SLC9A4: variants seen among roughly 807,000 people sequenced by gnomAD.
SLC9A4 encodes the protein sodium/hydrogen exchanger 4.
A neutral mutation model predicts 67.4 loss-of-function variants in SLC9A4; 63 were observed. The observed-to-expected ratio is 0.93, with a 90% CI of 0.76 to 1.15. The LOEUF (loss-of-function observed/expected upper bound fraction) is 1.15. Among genes scored for constraint, SLC9A4 ranks in the 50% most tolerant of loss-of-function variants. The pLI is 0.00. For synonymous variants in SLC9A4, 393 were observed against 367.2 expected (o/e 1.07, Z -0.80); for missense variants, 1,089 against 987.7 (o/e 1.10, Z -1.38).
chr2:102,485,654 C>T (rs191672096), intron 2 of SLC9A4, among the ~76,000 whole-genome samples: 8 of 152,056 alleles, frequency 5.3e-5, no homozygotes, highest in Non-Finnish European at 8.8e-5. Context: ...AGTGGAAGAA[C>T]GAATGCAGCA....
At chr2:102,515,026 C>A (rs958123020) in intron 8 of SLC9A4, among the ~76,000 whole-genome samples, 2 of 152,080 alleles carry the variant, frequency 1.3e-5, no homozygotes, top group Non-Finnish European at 1.5e-5. Context: ...AATGAGAGCC[C>A]CTTCAATGTC....
intron 6 of SLC9A4, among the ~76,000 whole-genome samples, chr2:102,510,619 G>A (rs569271601): frequency 6.6e-5 from 10 of 152,256 alleles, no homozygotes; most frequent in East Asian, 5.8e-4. Context: ...TTGAATAACC[G>A]GGGACTTGCC....
intron 11 of SLC9A4, among the ~76,000 whole-genome samples, chr2:102,528,440 A>T (rs1006651747): frequency 6.6e-6 from 1 of 151,726 alleles, no homozygotes; most frequent in African/African-American, 2.4e-5. Flanking sequence ...TTAGAAAAAA[A>T]TCTTAAAAAG....
intron 11 of SLC9A4, among the ~76,000 whole-genome samples, chr2:102,529,119 A>G (rs1013757110): frequency 1.3e-5 from 2 of 152,248 alleles, no homozygotes; most frequent in African/African-American, 4.8e-5. Flanking sequence ...AGGGACTTAA[A>G]GAAGCCTTGA....
chr2:102,485,139 T>G (rs1445824455), intron 2 of SLC9A4, among the ~76,000 whole-genome samples: 1 of 152,194 alleles, frequency 6.6e-6, no homozygotes, highest in South Asian at 2.1e-4. Flanking sequence ...TACTGACCCT[T>G]CTCGGTCCTT....
rs183988365 is a variant in SLC9A4 at position 102,528,844 on chromosome 2, C to G, written c.2038+2498C>G. ...CTCACTAAAGGATATCTCAGTCACA[C>G]TTTCAGTCAAAGCCATAAAATGCCA... On this transcript the variant is annotated intron_variant, in intron 11 of 11. Coordinates refer to ENST00000295269, the MANE Select transcript of SLC9A4 (RefSeq NM_001011552.4). 1.5e-4 allele frequency among the ~76,000 whole-genome samples: 23 copies of G among 152,274 alleles called. No individual in the cohort carries two copies. In the East Asian group the frequency reaches 4.4e-3, roughly 29 times the overall value.
chr2:102,479,152 C>G lies in SLC9A4; in HGVS notation c.570C>G (p.Asp190Glu), dbSNP rs755300636. 1 of 1,614,030 alleles carries G rather than the reference C, an allele frequency of 6.2e-7. No homozygotes were observed. Among genetic ancestry groups the G allele is most frequent in the African/African-American group, 1.3e-5 (1 of 74,950 alleles). The change falls in exon 2 of 12, where the codon GAC (aspartate) becomes GAG (glutamate). Residue 190 changes from aspartate to glutamate, a missense_variant. Coordinates refer to ENST00000295269, the MANE Select transcript of SLC9A4 (RefSeq NM_001011552.4). ...ICQVKAFGLGDVNLLQNLLFG... is the reference protein window; with the variant it reads ...ICQVKAFGLGEVNLLQNLLFG... ...AGGTGAAGGCCTTTGGCCTGGGCGA[C>G]GTCAACCTGCTGCAGAACCTGCTGT...
chr2:102,519,198 A>C (rs1363136197), intron 8 of SLC9A4, among the ~76,000 whole-genome samples: 1 of 152,222 alleles, frequency 6.6e-6, no homozygotes, highest in African/African-American at 2.4e-5. Flanking sequence ...ATAATATCTT[A>C]GAGCTGGGCT....
intron 1 of SLC9A4, 126 bp from the exon 2 acceptor site, chr2:102,478,713 A>T (rs923915776): frequency 1.1e-6 from 1 of 878,932 alleles, no homozygotes; most frequent in Non-Finnish European, 1.7e-6. Context: ...CCTGCTACAG[A>T]TGGGACGCTG....
intron 2 of SLC9A4, among the ~76,000 whole-genome samples, chr2:102,482,335 G>A (rs547256839): frequency 3.9e-5 from 6 of 152,106 alleles, no homozygotes; most frequent in Non-Finnish European, 5.9e-5. Flanking sequence ...TCAGATGACC[G>A]CTGAAGTTTG....
intron 1 of SLC9A4, among the ~76,000 whole-genome samples, chr2:102,476,237 C>T (rs762808032): frequency 5.9e-5 from 9 of 152,228 alleles, no homozygotes; most frequent in South Asian, 2.1e-4. Flanking sequence ...TTCAGTTCCA[C>T]ATCTTAGAAC....
At chr2:102,474,222 A>G (rs924238323) in intron 1 of SLC9A4, among the ~76,000 whole-genome samples, 17 of 152,222 alleles carry the variant, frequency 1.1e-4, no homozygotes, top group African/African-American at 3.9e-4. Flanking sequence ...ATTTGAGAGC[A>G]TACTTCTGGG....
intron 4 of SLC9A4, chr2:102,505,735 A>C (rs974490683): frequency 2.5e-6 from 1 of 400,722 alleles, no homozygotes; most frequent in South Asian, 5.4e-5. Flanking sequence ...GAAGTTTCAC[A>C]TCTACCTATT....
At position 102,517,247 on chromosome 2, in the gene SLC9A4, G is replaced by A. The variant is rs760295651; in HGVS notation, c.1722-2612G>A. Among the ~76,000 whole-genome samples, 48 of 152,204 alleles carry A rather than the reference G, an allele frequency of 3.2e-4. No homozygotes were observed. In the South Asian group the frequency reaches 4.4e-3, roughly 14 times the overall value. On this transcript the variant is annotated intron_variant, in intron 8 of 11. Transcript: ENST00000295269. The stretch of plus-strand genomic sequence containing the variant: ...GCTGGTGGGTTCCACTGTGTGCACC[G>A]CAGGCAAGTCTTCTTGTCTTCTGAG...
chr2:102,514,075 G>T lies in SLC9A4; in HGVS notation c.1560-15G>T. On this transcript the variant is annotated splice_polypyrimidine_tract_variant and intron_variant, in intron 7 of 11. Coordinates refer to ENST00000295269, the MANE Select transcript of SLC9A4 (RefSeq NM_001011552.4). The stretch of plus-strand genomic sequence containing the variant: ...AGACGTTCAAGATTTCCAAAATGTT[G>T]GTTTTCATTTTTAGGTTTAAGAAGT... The T allele has an allele frequency of 1.2e-6, 2 of 1,607,630 alleles. No homozygotes were observed. Among genetic ancestry groups the T allele is most frequent in the Non-Finnish European group, 1.7e-6 (2 of 1,177,606 alleles).
chr2:102,490,014 G>C (rs1684663446), intron 2 of SLC9A4, among the ~76,000 whole-genome samples: 2 of 151,514 alleles, frequency 1.3e-5, no homozygotes, highest in African/African-American at 4.8e-5. Context: ...AGGTCTTTAT[G>C]ATATTCTTTG....
At chr2:102,477,676 A>G (rs1684362074) in intron 1 of SLC9A4, among the ~76,000 whole-genome samples, 1 of 152,158 alleles carries the variant, frequency 6.6e-6, no homozygotes. Flanking sequence ...CTAAGCCTCA[A>G]AGGATGAGCA....
rs1253982046 is a variant in SLC9A4, at chr2:102,503,685, C to T, written c.958C>T (p.Leu320Phe). The change falls in exon 3 of 12, where the codon CTC (leucine) becomes TTC (phenylalanine). Residue 320 changes from leucine (L) to phenylalanine (F), a missense_variant. By Grantham distance (22) the Leu-to-Phe change is conservative. Coordinates refer to ENST00000295269, the MANE Select transcript of SLC9A4 (RefSeq NM_001011552.4). ...SYLSYLAAET[L>F]YLSGILAITA... Reference sequence around the variant, plus strand: ...TTTGTCTTACTTAGCTGCTGAAACCCTCTATCTCTCCGGCATCCTGGCGTG... The same window carrying T: ...TTTGTCTTACTTAGCTGCTGAAACCTTCTATCTCTCCGGCATCCTGGCGTG... 3.7e-6 allele frequency: 6 copies of T among 1,614,056 alleles called. No homozygotes were observed. Among genetic ancestry groups the T allele is most frequent in the Non-Finnish European group, 4.2e-6 (5 of 1,180,024 alleles).
At position 102,532,513 on chromosome 2, in the gene SLC9A4, G is replaced by A. The variant is rs571531732; in HGVS notation, c.2222G>A (p.Arg741Lys). ...TSQEEYLGGV[R>K]RVALRPKPLF... ...CAAGAAGAGTACTTGGGTGGAGTAAGGAGGGTGGCCTTAAGACCCAAACCT... is the reference window on the plus strand; with the variant it reads ...CAAGAAGAGTACTTGGGTGGAGTAAAGAGGGTGGCCTTAAGACCCAAACCT... The change falls in exon 12 of 12, where the codon AGG becomes AAG. Residue 741 changes from arginine to lysine, a missense_variant. By Grantham distance (26) the Arg-to-Lys change is conservative. Coordinates refer to ENST00000295269, the MANE Select transcript of SLC9A4 (RefSeq NM_001011552.4). 1 of 1,614,164 alleles carries A rather than the reference G, an allele frequency of 6.2e-7. No homozygotes were observed. Among genetic ancestry groups the A allele is most frequent in the Admixed American group, 1.7e-5 (1 of 60,022 alleles).
Sources: allele counts gnomAD v4.1 joint callset (sites outside exome capture counted in the v4.1 genomes callset), GRCh38; gene constraint gnomAD v4.1.1; transcripts MANE v1.5; gene names NCBI Gene and HGNC (gene_info 2026-07-23, HGNC 2026-07-21).